TSHZ2: variants seen among roughly 807,000 people sequenced by gnomAD.
The protein encoded by TSHZ2 is teashirt zinc finger homeobox 2.
A neutral mutation model predicts 74.4 loss-of-function variants in TSHZ2; 21 were observed. That is an observed-to-expected ratio of 0.28 (90% CI 0.20 to 0.41). TSHZ2 has a LOEUF of 0.41. TSHZ2 is among the 10% of genes least tolerant of loss of function. The pLI is 1.00. For synonymous variants in TSHZ2, 540 were observed against 515.3 expected (o/e 1.05, Z -0.65); for missense variants, 1,244 against 1,293.5 (o/e 0.96, Z 0.59).
At chr20:53,063,141 A>G (rs1325375866) in intron 1 of TSHZ2, among the ~76,000 whole-genome samples, 2 of 152,228 alleles carry the variant, frequency 1.3e-5, no homozygotes, top group East Asian at 3.8e-4. Flanking sequence ...AAAGTCTGGC[A>G]CAGAGACTTG....
intron 1 of TSHZ2, among the ~76,000 whole-genome samples, chr20:53,204,680 A>G (rs907581610): frequency 2.0e-5 from 3 of 152,152 alleles, no homozygotes; most frequent in African/African-American, 7.2e-5. Flanking sequence ...GCATCACTGT[A>G]TGAAGTTTTT....
intron 1 of TSHZ2, among the ~76,000 whole-genome samples, chr20:53,204,956 A>G (rs1174971744): frequency 6.6e-6 from 1 of 151,740 alleles, no homozygotes; most frequent in Non-Finnish European, 1.5e-5. Context: ...AGCCGGCGCC[A>G]TGTGTGCACC....
chr20:53,440,149 GTTTT>G (rs1455266362), intron 2 of TSHZ2, among the ~76,000 whole-genome samples: 1 of 152,050 alleles, frequency 6.6e-6, no homozygotes, highest in African/African-American at 2.4e-5. Flanking sequence ...ATTTGGAAAT[GTTTT>G]TTCATCTGTG....
At chr20:53,033,651 CTTTTTTTT>C (rs61445726) in intron 1 of TSHZ2, among the ~76,000 whole-genome samples, 48 of 59,000 alleles carry the variant, frequency 8.1e-4, no homozygotes, top group African/African-American at 2.3e-3. Flanking sequence ...TGATAAAAAG[CTTTTTTTT>C]TTTTTTTTTT....
chr20:53,396,477 A>G (rs1982450857), intron 2 of TSHZ2, among the ~76,000 whole-genome samples: 1 of 152,170 alleles, frequency 6.6e-6, no homozygotes, highest in Non-Finnish European at 1.5e-5. Context: ...GCATACAGGT[A>G]CTATCTCTCC....
At chr20:53,405,225 G>A (rs1345525023) in intron 2 of TSHZ2, among the ~76,000 whole-genome samples, 2 of 144,288 alleles carry the variant, frequency 1.4e-5, no homozygotes, top group African/African-American at 5.6e-5. Flanking sequence ...CTCCAGCCTG[G>A]GCAGCAGAGC....
At chr20:53,450,778 T>C (rs1026575804) in intron 2 of TSHZ2, among the ~76,000 whole-genome samples, 1 of 152,206 alleles carries the variant, frequency 6.6e-6, no homozygotes, top group Non-Finnish European at 1.5e-5. Flanking sequence ...TGCCTTGGCC[T>C]CTCAAAGTGC....
intron 2 of TSHZ2, among the ~76,000 whole-genome samples, chr20:53,353,946 A>G (rs1407240308): frequency 6.6e-6 from 1 of 152,188 alleles, no homozygotes; most frequent in Non-Finnish European, 1.5e-5. Context: ...TGGGTCTTTT[A>G]GTGCTAAAAC....
At chr20:53,446,565 C>T (rs1234781504) in intron 2 of TSHZ2, among the ~76,000 whole-genome samples, 32 of 126,912 alleles carry the variant, frequency 2.5e-4, no homozygotes, top group Admixed American at 1.1e-3. Flanking sequence ...GGTGACAGAG[C>T]GAGACTCTGT....
chr20:53,254,970 A>G lies in TSHZ2; in HGVS notation c.1512A>G (p.Glu504=), dbSNP rs577689630. 3 of 1,614,226 alleles carry G rather than the reference A, an allele frequency of 1.9e-6. No individual in the cohort carries two copies. The highest frequency in any genetic ancestry group is 1.7e-5 in the Admixed American group (1 of 60,030). ...TCAAATATCAATACCTAAGGGAGGAAGACTTGGAAGATGGCTCAAAGGGTG... is the reference window on the plus strand; with the variant it reads ...TCAAATATCAATACCTAAGGGAGGAGGACTTGGAAGATGGCTCAAAGGGTG... ...PTIKYQYLRE[E]DLEDGSKGGG... Residue 504 remains glutamate, a synonymous_variant, in exon 2 of 3, where the codon GAA becomes GAG. Coordinates refer to ENST00000371497, the MANE Select transcript of TSHZ2 (RefSeq NM_173485.6).
intron 1 of TSHZ2, among the ~76,000 whole-genome samples, chr20:53,106,845 G>C (rs1249737906): frequency 1.3e-5 from 2 of 151,344 alleles, no homozygotes; most frequent in Non-Finnish European, 2.9e-5. Context: ...CTACAGGCAT[G>C]CACCACCACG....
chr20:53,023,692 A>G (rs906785211), intron 1 of TSHZ2, among the ~76,000 whole-genome samples: 4 of 151,706 alleles, frequency 2.6e-5, no homozygotes, highest in East Asian at 1.9e-4. Flanking sequence ...TCTTCCTTAT[A>G]GTTAAAAACA....
intron 2 of TSHZ2, among the ~76,000 whole-genome samples, chr20:53,274,399 G>A (rs116785197): frequency 5.0e-4 from 76 of 152,280 alleles, no homozygotes; most frequent in African/African-American, 1.8e-3. Flanking sequence ...TCTCCATTCT[G>A]TAATTCAGCT....
chr20:53,447,974 C>T (rs367592536), intron 2 of TSHZ2, among the ~76,000 whole-genome samples: 4 of 148,488 alleles, frequency 2.7e-5, no homozygotes, highest in Admixed American at 6.8e-5. Context: ...AGTGCAGAGG[C>T]GTGATCTCGG....
intron 2 of TSHZ2, among the ~76,000 whole-genome samples, chr20:53,280,188 A>G (rs1568849752): frequency 6.6e-6 from 1 of 152,158 alleles, no homozygotes; most frequent in South Asian, 2.1e-4. Flanking sequence ...CCTTATCAGG[A>G]AGCTCCTTGA....
intron 2 of TSHZ2, among the ~76,000 whole-genome samples, chr20:53,416,856 T>C (rs762190278): frequency 6.6e-6 from 1 of 152,362 alleles, no homozygotes; most frequent in East Asian, 1.9e-4. Context: ...TGTGAACCTC[T>C]TTTTTCCCAA....
At chr20:53,225,819 C>T (rs1340585544) in intron 1 of TSHZ2, among the ~76,000 whole-genome samples, 1 of 152,058 alleles carries the variant, frequency 6.6e-6, no homozygotes, top group Non-Finnish European at 1.5e-5. Flanking sequence ...TGAAAAGTGG[C>T]CTGGTTGCTC....
chr20:53,461,205 T>C (rs1985353707), intron 2 of TSHZ2, among the ~76,000 whole-genome samples: 1 of 152,168 alleles, frequency 6.6e-6, no homozygotes, highest in Non-Finnish European at 1.5e-5. Flanking sequence ...TCCATGGGCG[T>C]AGGACCCTCC....
chr20:53,106,391 C>CTTTTTTTTTTTTTTTTTTTTT lies in TSHZ2; in HGVS notation c.40+133069_40+133089dup, dbSNP rs71194458. On this transcript the variant is annotated intron_variant, in intron 1 of 2. Transcript: ENST00000371497. ...TTCCTCTAGGGCCTTCTCACACTTT[C>CTTTTTTTTTTTTTTTTTTTTT]TTTTTTTTTTTTTTTTTTTTTTTTT... is the stretch of plus-strand genomic sequence containing the variant. Among the ~76,000 whole-genome samples the CTTTTTTTTTTTTTTTTTTTTT allele has an allele frequency of 3.4e-5, 2 of 58,938 alleles. 1 individual carries two copies. Among genetic ancestry groups the CTTTTTTTTTTTTTTTTTTTTT allele is most frequent in the African/African-American group, 1.4e-4 (2 of 14,258 alleles). 38.7% of individuals were successfully genotyped at this position (58,938 alleles called of 152,430 possible). A position where few individuals can be genotyped will look rare whatever the true frequency, so the allele number is the denominator to read the frequency against.
Sources: gnomAD v4.1 joint callset for allele counts (sites outside exome capture counted in the v4.1 genomes callset) on GRCh38, gnomAD v4.1.1 for gene constraint, MANE v1.5 for transcripts, NCBI Gene and HGNC (gene_info 2026-07-23, HGNC 2026-07-21) for gene names.